The following VWA8 variants were observed in gnomAD, a reference collection of about 807,000 sequenced individuals.
VWA8 encodes the protein von Willebrand factor A domain-containing protein 8.
In VWA8, 221 loss-of-function variants were observed where a neutral mutation model predicts 241.5. The ratio of observed to expected loss-of-function variants is 0.91; its 90% CI spans 0.82 to 1.02. The LOEUF is 1.02. Among genes scored for constraint, VWA8 ranks in the 50% least tolerant of loss-of-function variants. VWA8 has a pLI of 0.00. For missense variants in VWA8, 2,322 were observed against 2,328.7 expected (o/e 1.00, Z 0.06); for synonymous variants, 852 against 827.1 (o/e 1.03, Z -0.52).
intron 2 of VWA8, among the ~76,000 whole-genome samples, chr13:41,923,557 G>A (rs902117683): frequency 2.0e-5 from 3 of 151,506 alleles, no homozygotes; most frequent in Non-Finnish European, 4.4e-5. Flanking sequence ...TAAGACCCCG[G>A]GCCTAGGAAT....
chr13:41,855,935 C>A (rs1160934728), intron 12 of VWA8, among the ~76,000 whole-genome samples: 2 of 152,204 alleles, frequency 1.3e-5, no homozygotes, highest in Non-Finnish European at 2.9e-5. Context: ...ACAAAGACTG[C>A]ATGATCCACA....
intron 37 of VWA8, among the ~76,000 whole-genome samples, chr13:41,617,414 A>G (rs1438659849): frequency 6.6e-6 from 1 of 152,176 alleles, no homozygotes; most frequent in Non-Finnish European, 1.5e-5. Flanking sequence ...CCACTGTGCC[A>G]AGATACATTT....
At chr13:41,805,024 AAAAC>A (rs1216710680) in intron 17 of VWA8, among the ~76,000 whole-genome samples, 5 of 152,204 alleles carry the variant, frequency 3.3e-5, no homozygotes, top group African/African-American at 1.2e-4. Flanking sequence ...AAGCAACCTA[AAAAC>A]AAACAACAAA....
intron 1 of VWA8, among the ~76,000 whole-genome samples, chr13:41,951,450 C>T (rs1878134630): frequency 6.6e-6 from 1 of 152,108 alleles, no homozygotes; most frequent in Non-Finnish European, 1.5e-5. Context: ...AGAATTCCTA[C>T]ATGAAATAAG....
chr13:41,672,949 A>C (rs2045035687), intron 36 of VWA8, among the ~76,000 whole-genome samples: 1 of 152,180 alleles, frequency 6.6e-6, no homozygotes. Flanking sequence ...CACTGTACCT[A>C]CTAATTGTCA....
chr13:41,865,250 G>A lies in VWA8; in HGVS notation c.1425+486C>T, dbSNP rs1045049976. 12 of 342,682 alleles carry A rather than the reference G, an allele frequency of 3.5e-5. No individual in the cohort carries two copies. In the East Asian group the frequency reaches 1.2e-3, roughly 34 times the overall value. 21.2% of individuals were successfully genotyped at this position (342,682 alleles called of 1,614,324 possible). A position where few individuals can be genotyped will look rare whatever the true frequency, so the allele number is the denominator to read the frequency against. ...TGATATTTTGATACATTCATATAAT[G>A]TGAAATTTAAAAATTAGGGTAATTA... On this transcript the variant is annotated intron_variant, in intron 12 of 44. Coordinates refer to ENST00000379310, the MANE Select transcript of VWA8 (RefSeq NM_015058.2).
At chr13:41,929,878 A>G (rs1173785463) in intron 2 of VWA8, among the ~76,000 whole-genome samples, 3 of 152,228 alleles carry the variant, frequency 2.0e-5, no homozygotes, top group Non-Finnish European at 2.9e-5. Flanking sequence ...GCAAAAACAA[A>G]TAAGTGAGAC....
At chr13:41,658,910 C>T (rs1269061060) in intron 37 of VWA8, among the ~76,000 whole-genome samples, 1 of 152,186 alleles carries the variant, frequency 6.6e-6, no homozygotes, top group African/African-American at 2.4e-5. Context: ...ATCTTCCTAC[C>T]AGCAAATCCT....
chr13:41,589,758 G>A (rs796907051), intron 41 of VWA8, among the ~76,000 whole-genome samples: 30 of 152,104 alleles, frequency 2.0e-4, no homozygotes, highest in African/African-American at 7.2e-4. Context: ...GACAGACTTC[G>A]GTCACAAACC....
chr13:41,703,419 G>C lies in VWA8; in HGVS notation c.3117-8C>G, dbSNP rs761071493. The C allele has an allele frequency of 1.2e-6, 2 of 1,612,718 alleles. No homozygotes were observed. Among genetic ancestry groups the C allele is most frequent in the Non-Finnish European group, 1.7e-6 (2 of 1,179,038 alleles). On this transcript the variant is annotated splice_polypyrimidine_tract_variant and splice_region_variant and intron_variant, in intron 26 of 44. Coordinates refer to ENST00000379310, the MANE Select transcript of VWA8 (RefSeq NM_015058.2). Reference sequence around the variant, plus strand: ...TGTTCTGGCAGAGTCAACCTGTTAAGGATGATTTGCAAAGTAAATATTTCT... The same window carrying C: ...TGTTCTGGCAGAGTCAACCTGTTAACGATGATTTGCAAAGTAAATATTTCT...
chr13:41,855,584 C>T, intron 12 of VWA8, among the ~76,000 whole-genome samples: 1 of 151,736 alleles, frequency 6.6e-6, no homozygotes, highest in East Asian at 1.9e-4. Context: ...GTAAAAGGCA[C>T]ATAATGTATA....
chr13:41,570,742 G>T, intron 43 of VWA8, 36 bp from the exon 44 acceptor site: 1 of 1,577,146 alleles, frequency 6.3e-7, no homozygotes, highest in Non-Finnish European at 8.7e-7. Context: ...AGCCATGGCT[G>T]AGAAACTTCT....
In VWA8 at chr13:41,902,720, G is replaced by A. The variant is rs777044949; in HGVS notation, c.483+4866C>T. On this transcript the variant is annotated intron_variant, in intron 4 of 44. Transcript: ENST00000379310. The stretch of plus-strand genomic sequence containing the variant: ...ACATATTATTATTAACCTAATTCTC[G>A]CCTTCAAAGGTAGCAGTTGAGTTTA... 5.3e-5 allele frequency among the ~76,000 whole-genome samples: 8 copies of A among 151,986 alleles called. No individual in the cohort carries two copies. The South Asian group carries it at 8.3e-4, about 16-fold the overall frequency.
At position 41,847,804 on chromosome 13, in the gene VWA8, G is replaced by A. The variant is rs373767994; in HGVS notation, c.1426-14273C>T. Among the ~76,000 whole-genome samples, 47 of 152,296 alleles carry A rather than the reference G, an allele frequency of 3.1e-4. No individual in the cohort carries two copies. In the South Asian group the frequency reaches 8.3e-3, roughly 27 times the overall value. On this transcript the variant is annotated intron_variant, in intron 12 of 44. Transcript: ENST00000379310. Reference sequence around the variant, plus strand: ...ATTGACAGATTCTAATCAGGGAAATGAAAAGATCTGATTTACATTCTTAAG... The same window carrying A: ...ATTGACAGATTCTAATCAGGGAAATAAAAAGATCTGATTTACATTCTTAAG...
chr13:41,846,038 C>A (rs1048905226), intron 12 of VWA8, among the ~76,000 whole-genome samples: 9 of 149,808 alleles, frequency 6.0e-5, no homozygotes, highest in Non-Finnish European at 8.9e-5. Flanking sequence ...TCATAATAAG[C>A]TTTTTAGTTC....
rs1047167726 is a variant in VWA8 at position 41,830,647 on chromosome 13, C to G, written c.1587-5G>C. 6.2e-7 allele frequency: 1 copy of G among 1,608,334 alleles called. No homozygotes were observed. Among genetic ancestry groups the G allele is most frequent in the African/African-American group, 1.3e-5 (1 of 74,500 alleles). ...AGCTCTCGATCATGGATTAACCTAA[C>G]AAGATAAGAAAAAAGCCCGAAAATA... On this transcript the variant is annotated splice_polypyrimidine_tract_variant and splice_region_variant and intron_variant, in intron 13 of 44. Coordinates refer to ENST00000379310, the MANE Select transcript of VWA8 (RefSeq NM_015058.2).
intron 4 of VWA8, among the ~76,000 whole-genome samples, chr13:41,895,358 G>T (rs952029124): frequency 3.3e-5 from 5 of 152,128 alleles, no homozygotes; most frequent in African/African-American, 9.7e-5. Context: ...ACTAAAAAAA[G>T]TCATTAAATA....
intron 37 of VWA8, among the ~76,000 whole-genome samples, chr13:41,653,082 A>C (rs565818431): frequency 1.3e-5 from 2 of 152,216 alleles, no homozygotes; most frequent in African/African-American, 4.8e-5. Flanking sequence ...CAAATTCACT[A>C]TAATTACATT....
chr13:41,701,455 A>T lies in VWA8; in HGVS notation c.3301T>A (p.Cys1101Ser). Residue 1101 changes from cysteine (C) to serine (S), a missense_variant, in exon 28 of 45, where the codon TGT (cysteine) becomes AGT (serine). Physicochemically the swap from Cys to Ser is moderately radical, Grantham distance 112. Transcript: ENST00000379310. Reference sequence around the variant, plus strand: ...TCCAATGGTATTCTCCATGAGGCACATTCTTCAGTAAAGTTTAGGGATCTT... The same window carrying T: ...TCCAATGGTATTCTCCATGAGGCACTTTCTTCAGTAAAGTTTAGGGATCTT... ...EERSLNFTEE[C>S]ASWRIPLDEI... is the part of the protein sequence containing the mutation. 1 of 1,612,654 alleles carries T rather than the reference A, an allele frequency of 6.2e-7. No individual in the cohort carries two copies. Among genetic ancestry groups the T allele is most frequent in the Non-Finnish European group, 8.5e-7 (1 of 1,179,328 alleles).
Sources: gnomAD v4.1 joint callset for allele counts (sites outside exome capture counted in the v4.1 genomes callset) on GRCh38, gnomAD v4.1.1 for gene constraint, MANE v1.5 for transcripts, NCBI Gene and HGNC (gene_info 2026-07-23, HGNC 2026-07-21) for gene names.